EFNB2: variants seen among roughly 807,000 people sequenced by gnomAD.
EFNB2 encodes the protein ephrin B2, also known as ephrin-B2.
In EFNB2, 5 loss-of-function variants were observed where a neutral mutation model predicts 32.1. That is an observed-to-expected ratio of 0.16 (90% CI 0.08 to 0.33). The LOEUF is 0.33. Ranked by LOEUF, EFNB2 falls within the 10% of genes least tolerant of loss-of-function variation. The pLI is 1.00. For synonymous variants in EFNB2, 168 were observed against 166.5 expected, an observed-to-expected ratio of 1.01 and a Z score of -0.07; for missense variants, 263 against 422.6, an observed-to-expected ratio of 0.62 and a Z score of 3.31.
intron 1 of EFNB2, among the ~76,000 whole-genome samples, chr13:106,525,950 C>G (rs1250580133): frequency 6.6e-6 from 1 of 152,216 alleles, no homozygotes; most frequent in Non-Finnish European, 1.5e-5. Context: ...GATCCCCAAA[C>G]AGCTTTAATG....
chr13:106,506,784 A>G (rs1212441261), intron 2 of EFNB2: 1 of 152,176 alleles, frequency 6.6e-6, no homozygotes, highest in East Asian at 1.9e-4. Context: ...AGCATTTTCT[A>G]TATCCCACCA....
chr13:106,494,182 C>G (rs947585119), intron 4 of EFNB2, among the ~76,000 whole-genome samples: 3 of 152,170 alleles, frequency 2.0e-5, no homozygotes, highest in Admixed American at 6.5e-5. Context: ...TTGCTGCAGA[C>G]GATAAATTTG....
intron 1 of EFNB2, among the ~76,000 whole-genome samples, chr13:106,524,520 A>G (rs1879636287): frequency 6.6e-6 from 1 of 152,230 alleles, no homozygotes; most frequent in African/African-American, 2.4e-5. Context: ...TTTCAGGAGT[A>G]TTTGTCAGGC....
Position 106,492,439 on chromosome 13 carries a change from G to A in EFNB2, c.*601C>T. On this transcript the variant is annotated 3_prime_UTR_variant, in exon 5 of 5. Coordinates refer to ENST00000646441, the MANE Select transcript of EFNB2 (RefSeq NM_004093.4). The surrounding 1 kb of genome is among the most constrained non-coding windows in gnomAD (Gnocchi z 5.1). The stretch of plus-strand genomic sequence containing the variant: ...TGGACTGAAGCTGTTGTTGCCAGCG[G>A]CTGGAGGAGGGGACTCCAGACATGA... The A allele has an allele frequency of 6.5e-6, 1 of 152,892 alleles. No homozygotes were observed. The highest frequency in any genetic ancestry group is 2.1e-4 in the South Asian group (1 of 4,842). The allele number at this position is 152,892 out of a possible 1,614,324, so 9.5% of individuals were successfully genotyped here.
At chr13:106,526,920 A>C (rs566611062) in intron 1 of EFNB2, among the ~76,000 whole-genome samples, 1 of 152,354 alleles carries the variant, frequency 6.6e-6, no homozygotes, top group South Asian at 2.1e-4. Context: ...CACACAGGTT[A>C]GGTGCCCCGC....
intron 1 of EFNB2, 126 bp downstream of exon 1, chr13:106,534,717 G>A: frequency 6.2e-6 from 7 of 1,133,038 alleles, no homozygotes; most frequent in Middle Eastern, 3.0e-4. Flanking sequence ...GGGGTTGGGG[G>A]TGGGGGACGG....
chr13:106,496,617 G>T (rs1037289495), intron 2 of EFNB2, among the ~76,000 whole-genome samples: 2 of 152,230 alleles, frequency 1.3e-5, no homozygotes, highest in African/African-American at 4.8e-5. Flanking sequence ...CCACTTGCTG[G>T]TGTTCACCAA....
At chr13:106,524,447 C>T (rs1480312736) in intron 1 of EFNB2, among the ~76,000 whole-genome samples, 3 of 152,206 alleles carry the variant, frequency 2.0e-5, no homozygotes, top group African/African-American at 7.2e-5. Context: ...AATTTGGCCA[C>T]AGTCTCCCCG....
intron 1 of EFNB2, among the ~76,000 whole-genome samples, chr13:106,528,034 T>C (rs1164559769): frequency 6.6e-6 from 1 of 152,226 alleles, no homozygotes; most frequent in Non-Finnish European, 1.5e-5. Context: ...GCAAATACTT[T>C]AGTTGAATGG....
At chr13:106,534,701 G>A in intron 1 of EFNB2, 142 bp downstream of exon 1, 1 of 958,570 alleles carries the variant, frequency 1.0e-6, no homozygotes, top group South Asian at 1.7e-5. Context: ...CTAGTGAAAT[G>A]GGGCGGGGGT....
At chr13:106,533,555 T>C (rs1223272936) in intron 1 of EFNB2, among the ~76,000 whole-genome samples, 1 of 152,230 alleles carries the variant, frequency 6.6e-6, no homozygotes, top group Admixed American at 6.5e-5. Context: ...ACCGACGTTT[T>C]CGCCCTTTTC....
Position 106,494,860 on chromosome 13 carries a change from A to G in EFNB2, c.613+21T>C, listed in dbSNP as rs774718540. On this transcript the variant is annotated intron_variant, in intron 4 of 4. Coordinates refer to ENST00000646441, the MANE Select transcript of EFNB2 (RefSeq NM_004093.4). ...ATGTGGTACCCACAGACCTCCATACACACAGATCATGCTGTTATACCTGGA... is the reference window on the plus strand; with the variant it reads ...ATGTGGTACCCACAGACCTCCATACGCACAGATCATGCTGTTATACCTGGA... The G allele has an allele frequency of 3.2e-6, 5 of 1,583,092 alleles. No individual in the cohort carries two copies. In the African/African-American group the frequency reaches 5.4e-5, roughly 17 times the overall value.
intron 1 of EFNB2, among the ~76,000 whole-genome samples, chr13:106,522,883 G>T (rs1320736196): frequency 6.6e-6 from 1 of 152,088 alleles, no homozygotes; most frequent in Non-Finnish European, 1.5e-5. Context: ...CATAAATAGG[G>T]TGCTCAATAG....
At position 106,492,898 on chromosome 13, in the gene EFNB2, G is replaced by A. The variant is rs1002622544; in HGVS notation, c.*142C>T. 6.2e-6 allele frequency: 7 copies of A among 1,127,646 alleles called. No individual in the cohort carries two copies. Among genetic ancestry groups the A allele is most frequent in the Admixed American group, 2.5e-5 (1 of 39,306 alleles). The allele number at this position is 1,127,646 out of a possible 1,614,324, so 69.9% of individuals were successfully genotyped here. ...GACTAGGTAAGCTGTCCAGCGCGAC[G>A]GGCTCTTCCGAGGAGGAGTGTCCCT... On this transcript the variant is annotated 3_prime_UTR_variant, in exon 5 of 5. Coordinates refer to ENST00000646441, the MANE Select transcript of EFNB2 (RefSeq NM_004093.4). The surrounding 1 kb of genome is among the most constrained non-coding windows in gnomAD (Gnocchi z 5.1).
intron 2 of EFNB2, among the ~76,000 whole-genome samples, chr13:106,504,867 T>C (rs1878899547): frequency 6.6e-6 from 1 of 152,146 alleles, no homozygotes; most frequent in Non-Finnish European, 1.5e-5. Flanking sequence ...TTTTAATCAC[T>C]ATATGATGTA....
At chr13:106,509,307 G>A (rs1486221442) in intron 2 of EFNB2, among the ~76,000 whole-genome samples, 1 of 152,044 alleles carries the variant, frequency 6.6e-6, no homozygotes, top group Non-Finnish European at 1.5e-5. Context: ...CTCCTCCAAA[G>A]CATCAGGTCT....
At chr13:106,520,196 T>C (rs1235039129) in intron 1 of EFNB2, 1 of 152,254 alleles carries the variant, frequency 6.6e-6, no homozygotes, top group Non-Finnish European at 1.5e-5. Context: ...GTATCAAGTA[T>C]ACTTCGAATT....
At chr13:106,496,718 G>A (rs1701217595) in intron 2 of EFNB2, among the ~76,000 whole-genome samples, 1 of 152,104 alleles carries the variant, frequency 6.6e-6, no homozygotes, top group Admixed American at 6.5e-5. Flanking sequence ...AACAGCCTAT[G>A]CTCTATTTAA....
chr13:106,529,363 G>A (rs1404039851), intron 1 of EFNB2, among the ~76,000 whole-genome samples: 1 of 152,150 alleles, frequency 6.6e-6, no homozygotes, highest in Admixed American at 6.5e-5. Context: ...GAGTTAAAAA[G>A]GAAAATCTCC....
Sources: gnomAD v4.1 joint callset for allele counts (sites outside exome capture counted in the v4.1 genomes callset) on GRCh38, gnomAD v4.1.1 for gene constraint, Gnocchi (gnomAD v3.1) non-coding constraint, MANE v1.5 for transcripts, NCBI Gene and HGNC (gene_info 2026-07-23, HGNC 2026-07-21) for gene names.